The following GABRB3 variants were observed in gnomAD, a reference collection of about 807,000 sequenced individuals.
The protein encoded by GABRB3 is gamma-aminobutyric acid receptor subunit beta-3.
GABRB3 carries 14 observed loss-of-function variants against 52.1 expected under a neutral mutation model. The observed-to-expected ratio is 0.27, with a 90% CI of 0.18 to 0.42. GABRB3 has a LOEUF of 0.42. Ranked by LOEUF, GABRB3 falls within the 10% of genes least tolerant of loss-of-function variation. The probability of loss-of-function intolerance (pLI) is 1.00; values close to 1 mark genes in which losing one functional copy is unlikely to be tolerated. For missense variants in GABRB3, 307 were observed against 609.1 expected (o/e 0.50, Z 5.22); for synonymous variants, 260 against 232.3 (o/e 1.12, Z -1.08).
At chr15:26,701,041 C>T (rs539017247) in intron 3 of GABRB3, among the ~76,000 whole-genome samples, 1 of 144,716 alleles carries the variant, frequency 6.9e-6, no homozygotes, top group East Asian at 2.0e-4. Context: ...GGAGACAGAG[C>T]GAGACTCGTC....
chr15:26,563,115 G>A (rs910333774), intron 7 of GABRB3, among the ~76,000 whole-genome samples: 7 of 152,184 alleles, frequency 4.6e-5, no homozygotes, highest in South Asian at 2.1e-4. Context: ...TGGGAAGACC[G>A]AGCGCTTTGC....
At chr15:26,593,567 A>G (rs2140763457) in intron 4 of GABRB3, among the ~76,000 whole-genome samples, 1 of 152,280 alleles carries the variant, frequency 6.6e-6, no homozygotes, top group South Asian at 2.1e-4. Flanking sequence ...TATAAATGAA[A>G]TATTTGTCTT....
At chr15:26,628,380 C>A (rs996486209) in intron 3 of GABRB3, among the ~76,000 whole-genome samples, 1 of 152,210 alleles carries the variant, frequency 6.6e-6, no homozygotes, top group African/African-American at 2.4e-5. Context: ...TGTGAGCCCT[C>A]AGGGGCTGCC....
At chr15:26,693,621 A>G (rs538519502) in intron 3 of GABRB3, among the ~76,000 whole-genome samples, 32 of 152,346 alleles carry the variant, frequency 2.1e-4, no homozygotes, top group East Asian at 9.7e-4. Context: ...AAAGCTGAAC[A>G]AACAAAACAA....
At chr15:26,630,084 G>C (rs1290396977) in intron 3 of GABRB3, among the ~76,000 whole-genome samples, 1 of 152,132 alleles carries the variant, frequency 6.6e-6, no homozygotes, top group Non-Finnish European at 1.5e-5. Flanking sequence ...ACCCTCACCA[G>C]GGAAGGCCGC....
chr15:26,759,142 G>A (rs1890742812), intron 3 of GABRB3, among the ~76,000 whole-genome samples: 1 of 152,040 alleles, frequency 6.6e-6, no homozygotes. Flanking sequence ...CATCTCTGGT[G>A]CAGGCAGACC....
rs550837515 is a variant in GABRB3, at chr15:26,557,804, A to T, written c.1080+3128T>A. ...TTGAAAAACCAAACAATAAACATGGATTCATGAATCAACGAAAAATTTCTT... is the reference window on the plus strand; with the variant it reads ...TTGAAAAACCAAACAATAAACATGGTTTCATGAATCAACGAAAAATTTCTT... On this transcript the variant is annotated intron_variant, in intron 8 of 8. Transcript: ENST00000311550. 3.3e-5 allele frequency: 5 copies of T among 152,350 alleles called. 1 individual carries two copies. The South Asian group carries it at 1.0e-3, about 32-fold the overall frequency. The allele number at this position is 152,350 out of a possible 1,614,324, so 9.4% of individuals were successfully genotyped here. A position where few individuals can be genotyped will look rare whatever the true frequency, so the allele number is the denominator to read the frequency against.
chr15:26,624,455 A>T (rs1004766242), intron 3 of GABRB3: 1 of 985,422 alleles, frequency 1.0e-6, no homozygotes. Context: ...ATGGCTTGCC[A>T]CAAGAAGGGA....
At chr15:26,592,506 G>C (rs980716169) in intron 4 of GABRB3, among the ~76,000 whole-genome samples, 1 of 152,152 alleles carries the variant, frequency 6.6e-6, no homozygotes, top group Non-Finnish European at 1.5e-5. Context: ...AAATGTATGA[G>C]TGGATATGGC....
intron 4 of GABRB3, among the ~76,000 whole-genome samples, chr15:26,597,984 C>T (rs1287623180): frequency 1.3e-5 from 2 of 152,122 alleles, no homozygotes; most frequent in Non-Finnish European, 2.9e-5. Flanking sequence ...GCCTGAAGTA[C>T]AAATGGGCTG....
chr15:26,682,710 C>T (rs1057123704), intron 3 of GABRB3, among the ~76,000 whole-genome samples: 1 of 152,220 alleles, frequency 6.6e-6, no homozygotes, highest in Non-Finnish European at 1.5e-5. Flanking sequence ...AGGGATTACA[C>T]TCCCTCATGC....
chr15:26,717,674 C>G lies in GABRB3; in HGVS notation c.240+54728G>C, dbSNP rs182930564. ...CCCTGGCTCCCTCCCTCACCCATCA[C>G]ACGTAATGCGTCATGCTTCTCTTAG... On this transcript the variant is annotated intron_variant, in intron 3 of 8. Transcript: ENST00000311550. Among the ~76,000 whole-genome samples the G allele has an allele frequency of 3.9e-3, 589 of 152,300 alleles. 4 individuals are homozygous for G. The highest frequency in any genetic ancestry group is 6.7e-3 in the Non-Finnish European group (456 of 68,012).
intron 4 of GABRB3, among the ~76,000 whole-genome samples, chr15:26,586,629 G>A (rs1890998775): frequency 7.0e-6 from 1 of 142,430 alleles, no homozygotes; most frequent in African/African-American, 2.6e-5. Context: ...ATTTCAGTGA[G>A]CTGAGATGGG....
rs184315378 is a variant in GABRB3, at chr15:26,605,013, A to G, written c.461+16301T>C. ...AAACAGGAGAAAATATTTGCAAACT[A>G]CCCATTTGATAAGAGAATAATAGCC... On this transcript the variant is annotated intron_variant, in intron 4 of 8. Transcript: ENST00000311550. Among the ~76,000 whole-genome samples the G allele has an allele frequency of 2.6e-3, 400 of 152,310 alleles. 2 individuals are homozygous for G. Among genetic ancestry groups the G allele is most frequent in the Non-Finnish European group, 4.1e-3 (282 of 68,020 alleles).
intron 3 of GABRB3, among the ~76,000 whole-genome samples, chr15:26,764,343 C>T (rs1017225226): frequency 6.6e-6 from 1 of 150,444 alleles, no homozygotes; most frequent in African/African-American, 2.5e-5. Flanking sequence ...AATTCATATC[C>T]TCTTTTAAAA....
intron 4 of GABRB3, among the ~76,000 whole-genome samples, chr15:26,586,720 G>A (rs11854085): frequency 0.06 from 8,546 of 142,340 alleles, 891 homozygotes; most frequent in African/African-American, 0.21. Flanking sequence ...GAGAGAGAAA[G>A]CGAAGAAGGA....
intron 3 of GABRB3, among the ~76,000 whole-genome samples, chr15:26,683,095 C>T (rs1487145893): frequency 1.4e-5 from 2 of 141,306 alleles, no homozygotes; most frequent in Non-Finnish European, 3.2e-5. Flanking sequence ...CAGGTGAGAG[C>T]TGCTCACAAA....
chr15:26,771,544 A>G (rs1886292034), intron 3 of GABRB3, among the ~76,000 whole-genome samples: 1 of 152,228 alleles, frequency 6.6e-6, no homozygotes, highest in Admixed American at 6.5e-5. Context: ...AGAAAACTAA[A>G]CTAGTTTTCA....
chr15:26,666,063 C>G (rs560809253), intron 3 of GABRB3, among the ~76,000 whole-genome samples: 1 of 152,290 alleles, frequency 6.6e-6, no homozygotes, highest in East Asian at 1.9e-4. Flanking sequence ...CACACACAGA[C>G]CAGCTTTTTA....
Sources: allele counts gnomAD v4.1 joint callset (sites outside exome capture counted in the v4.1 genomes callset), GRCh38; gene constraint gnomAD v4.1.1; transcripts MANE v1.5; gene names NCBI Gene and HGNC (gene_info 2026-07-23, HGNC 2026-07-21).